Variants in IGFL2 observed in about 807,000 individuals in gnomAD.
IGFL2 encodes insulin growth factor-like family member 2.
Under a neutral mutation model 13.9 loss-of-function variants are expected in IGFL2, and 7 were observed. The ratio of observed to expected loss-of-function variants is 0.51; its 90% CI spans 0.29 to 0.95. IGFL2 has a LOEUF of 0.95. Among genes scored for constraint, IGFL2 ranks in the 40% least tolerant of loss-of-function variants. The probability of loss-of-function intolerance (pLI) is 0.08; values close to 1 mark genes in which losing one functional copy is unlikely to be tolerated. For missense variants in IGFL2, 138 were observed against 147.8 expected (o/e 0.93, Z 0.34); for synonymous variants, 55 against 55.8 (o/e 0.99, Z 0.07).
chr19:46,093,439 C>G, the IGFL2 span, among the ~76,000 whole-genome samples: 2 of 152,140 alleles, frequency 1.3e-5, no homozygotes, highest in African/African-American at 4.8e-5. Flanking sequence ...AATCCTACAG[C>G]TAATGTCATA....
the IGFL2 span, among the ~76,000 whole-genome samples, chr19:46,118,293 T>G: frequency 6.6e-6 from 1 of 151,982 alleles, no homozygotes; most frequent in African/African-American, 2.4e-5. Context: ...GAATAGCAAG[T>G]AGATACTCAC....
At chr19:46,137,167 G>A in the IGFL2 span, 1 of 1,608,322 alleles carries the variant, frequency 6.2e-7, no homozygotes, top group Non-Finnish European at 8.5e-7. Flanking sequence ...CTGGCATGAA[G>A]TTTTTGATGC....
the IGFL2 span, among the ~76,000 whole-genome samples, chr19:46,211,873 AG>A: frequency 6.6e-6 from 1 of 152,038 alleles, no homozygotes; most frequent in Middle Eastern, 3.4e-3. Context: ...GAAACCTCTG[AG>A]GACTTGGCAT....
At chr19:46,125,886 T>C in the IGFL2 span, among the ~76,000 whole-genome samples, 183 of 152,366 alleles carry the variant, frequency 1.2e-3, no homozygotes, top group African/African-American at 4.1e-3. Flanking sequence ...ATCTTTAATA[T>C]ACAATTATCA....
the IGFL2 span, among the ~76,000 whole-genome samples, chr19:46,104,434 T>C: frequency 6.6e-6 from 1 of 151,914 alleles, no homozygotes. Flanking sequence ...ACTGCTTGGG[T>C]GATTTGACTA....
At chr19:46,169,645 CA>C in the IGFL2 span, among the ~76,000 whole-genome samples, 13 of 151,902 alleles carry the variant, frequency 8.6e-5, no homozygotes, top group Non-Finnish European at 1.8e-4. Context: ...GTCAGGAGTT[CA>C]AAACCACCCT....
the IGFL2 span, among the ~76,000 whole-genome samples, chr19:46,131,679 C>A: frequency 7.2e-5 from 11 of 152,280 alleles, no homozygotes; most frequent in Admixed American, 3.3e-4. Context: ...TGGCTCATGC[C>A]TGTAATCGCA....
the IGFL2 span, chr19:46,124,127 A>C: frequency 1.6e-5 from 26 of 1,610,996 alleles, 1 homozygote; most frequent in Non-Finnish European, 2.2e-5. Context: ...GTCGGCTGGC[A>C]CAGCCACAGT....
chr19:46,175,641 T>C, the IGFL2 span, among the ~76,000 whole-genome samples: 124 of 151,940 alleles, frequency 8.2e-4, 2 homozygotes, highest in Middle Eastern at 0.017. Context: ...CAGGTTCAAG[T>C]GATTCTCCTG....
chr19:46,110,274 G>A, the IGFL2 span, among the ~76,000 whole-genome samples: 6 of 152,284 alleles, frequency 3.9e-5, no homozygotes, highest in East Asian at 1.9e-4. Flanking sequence ...TGTTCAGGGC[G>A]CAGTTTTTGG....
the IGFL2 span, among the ~76,000 whole-genome samples, chr19:46,205,371 T>C: frequency 6.6e-6 from 1 of 152,192 alleles, no homozygotes; most frequent in East Asian, 1.9e-4. Context: ...ATCTTCCCTT[T>C]TCCTTTCCAA....
the IGFL2 span, chr19:46,206,744 A>G: frequency 6.6e-6 from 1 of 152,226 alleles, no homozygotes. Flanking sequence ...TGATGAATAA[A>G]TTGATTCACA....
At position 46,160,446 on chromosome 19, in the gene IGFL2, C is replaced by T. The variant is rs1220093960; in HGVS notation, c.51C>T (p.Leu17=). 3 of 1,613,846 alleles carry T rather than the reference C, an allele frequency of 1.9e-6. No homozygotes were observed. The highest frequency in any genetic ancestry group is 8.5e-7 in the Non-Finnish European group (1 of 1,179,798). Residue 17 remains leucine, a synonymous_variant, in exon 2 of 4, where the codon CTC becomes CTT. Transcript: ENST00000377693. The stretch of plus-strand genomic sequence containing the variant: ...CTTATGTGTCAGTCTGTCTCCTCCT[C>T]TTGTGTCCAAGGGAAGTCATCGGTG... ...APAYVSVCLL[L]LCPREVIAPA...
chr19:46,108,965 C>T, the IGFL2 span, among the ~76,000 whole-genome samples: 2 of 152,174 alleles, frequency 1.3e-5, no homozygotes, highest in African/African-American at 2.4e-5. Context: ...GTGAGATGTT[C>T]CTTGGGCTGG....
Position 46,148,259 on chromosome 19 carries a change from A to G in IGFL2, c.-20A>G. The G allele has an allele frequency of 2.6e-6, 4 of 1,551,326 alleles. No individual in the cohort carries two copies. Among genetic ancestry groups the G allele is most frequent in the Non-Finnish European group, 3.5e-6 (4 of 1,146,652 alleles). On this transcript the variant is annotated 5_prime_UTR_variant, in exon 1 of 4. Coordinates refer to ENST00000377693, the MANE Select transcript of IGFL2 (RefSeq NM_001135113.2). ...GACCCATTTGCACTGCTGCTGTCCC[A>G]TCAGCTGCTCTGAAGCTCCATGGTG... is the stretch of plus-strand genomic sequence containing the variant.
At chr19:46,094,509 T>C in the IGFL2 span, among the ~76,000 whole-genome samples, 8 of 152,084 alleles carry the variant, frequency 5.3e-5, no homozygotes, top group South Asian at 4.1e-4. Flanking sequence ...TTTTCTTTTT[T>C]TTTTGTGTGT....
At chr19:46,133,796 A>G in the IGFL2 span, among the ~76,000 whole-genome samples, 2 of 152,206 alleles carry the variant, frequency 1.3e-5, no homozygotes, top group African/African-American at 2.4e-5. Context: ...TTTCTACACC[A>G]TGATCCCAGG....
chr19:46,135,034 A>T, the IGFL2 span, among the ~76,000 whole-genome samples: 1 of 152,316 alleles, frequency 6.6e-6, no homozygotes, highest in African/African-American at 2.4e-5. Context: ...CACTATCTTG[A>T]TAATATCTGT....
At chr19:46,123,735 C>G in the IGFL2 span, 1 of 832,078 alleles carries the variant, frequency 1.2e-6, no homozygotes, top group Non-Finnish European at 1.9e-6. Context: ...AGACTTATAG[C>G]TTATCTGCTT....
Sources: gnomAD v4.1 joint callset for allele counts (sites outside exome capture counted in the v4.1 genomes callset) on GRCh38, gnomAD v4.1.1 for gene constraint, MANE v1.5 for transcripts, NCBI Gene and HGNC (gene_info 2026-07-23, HGNC 2026-07-21) for gene names.